The following GRIK1 variants were observed in gnomAD, a reference collection of about 807,000 sequenced individuals.
The protein encoded by GRIK1 is glutamate ionotropic receptor kainate type subunit 1.
Under a neutral mutation model 105.7 loss-of-function variants are expected in GRIK1, and 69 were observed. The observed-to-expected ratio is 0.65, with a 90% CI of 0.54 to 0.80. GRIK1 has a LOEUF of 0.80. GRIK1 is among the 30% of genes least tolerant of loss of function. The pLI, the probability that GRIK1 is intolerant of heterozygous loss-of-function variation, is 0.00. For missense variants in GRIK1, 1,109 were observed against 1,167.3 expected, an observed-to-expected ratio of 0.95 and a Z score of 0.73; for synonymous variants, 438 against 431.3, an observed-to-expected ratio of 1.02 and a Z score of -0.19.
intron 1 of GRIK1, among the ~76,000 whole-genome samples, chr21:29,855,860 G>A (rs554589154): frequency 3.1e-4 from 47 of 152,160 alleles, no homozygotes; most frequent in Non-Finnish European, 4.9e-4. Flanking sequence ...GATGAAATGG[G>A]AGAGATTTTT....
chr21:29,922,804 A>G (rs1371378976), intron 1 of GRIK1, among the ~76,000 whole-genome samples: 2 of 152,146 alleles, frequency 1.3e-5, no homozygotes, highest in Non-Finnish European at 2.9e-5. Context: ...ATGCTTCTAA[A>G]TAAGTTACTT....
intron 1 of GRIK1, among the ~76,000 whole-genome samples, chr21:29,764,383 C>T (rs2065605896): frequency 6.6e-6 from 1 of 152,152 alleles, no homozygotes; most frequent in African/African-American, 2.4e-5. Flanking sequence ...ATACTAATTT[C>T]ATACAGATGC....
intron 16 of GRIK1, chr21:29,553,081 G>C (rs1568801487): frequency 4.6e-6 from 1 of 217,182 alleles, no homozygotes; most frequent in South Asian, 1.6e-4. Flanking sequence ...TGTGTGTACT[G>C]TTGAAAAGGT....
intron 1 of GRIK1, among the ~76,000 whole-genome samples, chr21:29,712,414 T>A (rs939522803): frequency 1.4e-4 from 21 of 152,236 alleles, no homozygotes; most frequent in Admixed American, 7.9e-4. Context: ...TATAACATAT[T>A]ATGAAGAATA....
In GRIK1 at chr21:29,581,418, G is replaced by A. The variant is rs375648903; in HGVS notation, c.1912+7C>T. On this transcript the variant is annotated splice_region_variant and intron_variant, in intron 13 of 17. Coordinates refer to ENST00000327783, the MANE Select transcript of GRIK1 (RefSeq NM_001330994.2). ...ATGCGTGTGACAAAGATAGGCAACC[G>A]GTGTACCTTGCTGCATGAGAGCTCC... 17 of 1,527,046 alleles carry A rather than the reference G, an allele frequency of 1.1e-5. No individual in the cohort carries two copies. Among genetic ancestry groups the A allele is most frequent in the Non-Finnish European group, 1.4e-5 (15 of 1,101,372 alleles). The allele number at this position is 1,527,046 out of a possible 1,614,324, so 94.6% of individuals were successfully genotyped here.
intron 7 of GRIK1, among the ~76,000 whole-genome samples, chr21:29,616,352 G>A (rs1442731023): frequency 6.6e-6 from 1 of 152,116 alleles, no homozygotes; most frequent in African/African-American, 2.4e-5. Context: ...TTCAGCTCTA[G>A]GGGTCCTTTA....
intron 1 of GRIK1, among the ~76,000 whole-genome samples, chr21:29,851,873 T>A (rs1038721519): frequency 6.6e-6 from 1 of 152,236 alleles, no homozygotes; most frequent in East Asian, 1.9e-4. Flanking sequence ...TTGTTTAGAA[T>A]CAAACATATT....
At chr21:29,891,814 A>G (rs1339423970) in intron 1 of GRIK1, among the ~76,000 whole-genome samples, 1 of 152,200 alleles carries the variant, frequency 6.6e-6, no homozygotes, top group Non-Finnish European at 1.5e-5. Context: ...CTAAGTATTA[A>G]AAACTATGAT....
At chr21:29,591,320 C>A in intron 9 of GRIK1, 95 bp from the exon 10 acceptor site, 1 of 799,070 alleles carries the variant, frequency 1.3e-6, no homozygotes. Flanking sequence ...GGCACAAAAG[C>A]TCACAGTTTG....
intron 1 of GRIK1, among the ~76,000 whole-genome samples, chr21:29,856,022 T>G (rs548225926): frequency 6.6e-6 from 1 of 152,322 alleles, no homozygotes; most frequent in African/African-American, 2.4e-5. Flanking sequence ...AAATATTGTT[T>G]CAGATTCATA....
intron 7 of GRIK1, among the ~76,000 whole-genome samples, chr21:29,641,623 C>T (rs1007835219): frequency 2.0e-5 from 3 of 152,164 alleles, no homozygotes; most frequent in Admixed American, 6.6e-5. Flanking sequence ...AAGAGAGGTG[C>T]TCAGGGTACA....
chr21:29,851,041 A>C (rs1023524263), intron 1 of GRIK1, among the ~76,000 whole-genome samples: 1 of 149,934 alleles, frequency 6.7e-6, no homozygotes, highest in Non-Finnish European at 1.5e-5. Flanking sequence ...AAAATGAATC[A>C]ACTAGAAATG....
intron 16 of GRIK1, among the ~76,000 whole-genome samples, chr21:29,543,106 T>C (rs1451444409): frequency 6.6e-6 from 1 of 150,908 alleles, no homozygotes; most frequent in African/African-American, 2.5e-5. Context: ...GGATTATTAT[T>C]ACTATTTTTT....
chr21:29,847,123 T>C (rs2068148697), intron 1 of GRIK1, among the ~76,000 whole-genome samples: 1 of 152,208 alleles, frequency 6.6e-6, no homozygotes, highest in Non-Finnish European at 1.5e-5. Flanking sequence ...CATTTTCCTC[T>C]TCTTTATAAT....
intron 1 of GRIK1, among the ~76,000 whole-genome samples, chr21:29,795,226 G>T (rs2145835348): frequency 6.6e-6 from 1 of 151,734 alleles, no homozygotes; most frequent in Admixed American, 6.6e-5. Context: ...AGTAGAGATG[G>T]GGTTTCACCA....
chr21:29,645,124 A>G (rs2062591868), intron 6 of GRIK1, among the ~76,000 whole-genome samples: 1 of 152,246 alleles, frequency 6.6e-6, no homozygotes, highest in Non-Finnish European at 1.5e-5. Context: ...GCCAGGCACT[A>G]TAAGCATTTT....
intron 16 of GRIK1, among the ~76,000 whole-genome samples, chr21:29,551,392 C>T (rs1023722713): frequency 2.6e-5 from 4 of 152,156 alleles, no homozygotes; most frequent in Non-Finnish European, 5.9e-5. Flanking sequence ...AACTTGCCTG[C>T]AGTCATTCAG....
At chr21:29,541,140 G>C (rs1427010897) in intron 16 of GRIK1, among the ~76,000 whole-genome samples, 1 of 152,138 alleles carries the variant, frequency 6.6e-6, no homozygotes, top group Non-Finnish European at 1.5e-5. Context: ...GCTAATTTTT[G>C]TATTTTTAGT....
chr21:29,841,085 A>C lies in GRIK1; in HGVS notation c.118+98298T>G, dbSNP rs537851481. Among the ~76,000 whole-genome samples, 168 of 152,292 alleles carry C rather than the reference A, an allele frequency of 1.1e-3. 1 individual carries two copies. Among genetic ancestry groups the C allele is most frequent in the Non-Finnish European group, 1.7e-3 (115 of 67,986 alleles). ...ATTTTAAAAATTTACTTATACTAGC[A>C]AATAAGAAAGCTATATTAAACACAT... On this transcript the variant is annotated intron_variant, in intron 1 of 17. Coordinates refer to ENST00000327783, the MANE Select transcript of GRIK1 (RefSeq NM_001330994.2).
Sources: allele counts gnomAD v4.1 joint callset (sites outside exome capture counted in the v4.1 genomes callset), GRCh38; gene constraint gnomAD v4.1.1; transcripts MANE v1.5; gene names NCBI Gene and HGNC (gene_info 2026-07-23, HGNC 2026-07-21).